GPAT3: variants seen among roughly 807,000 people sequenced by gnomAD.
GPAT3 encodes the protein 1-AGP acyltransferase 9.
In GPAT3, 53 loss-of-function variants were observed where a neutral mutation model predicts 58.8. That is an observed-to-expected ratio of 0.90 (90% CI 0.72 to 1.13). The LOEUF is 1.13. Among genes scored for constraint, GPAT3 ranks in the 50% most tolerant of loss-of-function variants. The pLI is 0.00. For synonymous variants in GPAT3, 197 were observed against 187.4 expected (o/e 1.05, Z -0.42); for missense variants, 511 against 527.6 (o/e 0.97, Z 0.31).
chr4:83,599,827 C>T (rs890979263), intron 11 of GPAT3, among the ~76,000 whole-genome samples: 57 of 152,152 alleles, frequency 3.7e-4, no homozygotes, highest in African/African-American at 1.3e-3. Context: ...CTAGTAAATT[C>T]CTAATACCAT....
chr4:83,551,250 C>T (rs761666684), intron 2 of GPAT3, among the ~76,000 whole-genome samples: 2 of 151,458 alleles, frequency 1.3e-5, no homozygotes, highest in Non-Finnish European at 2.9e-5. Flanking sequence ...ACTGGACTTA[C>T]ATGGAAAGAA....
chr4:83,539,090 A>G (rs548787080), intron 1 of GPAT3, among the ~76,000 whole-genome samples: 5 of 152,302 alleles, frequency 3.3e-5, no homozygotes, highest in Admixed American at 6.5e-5. Context: ...AGGATCCTCT[A>G]TCCTTCAACT....
chr4:83,546,623 C>A (rs1724523418), intron 2 of GPAT3, among the ~76,000 whole-genome samples: 1 of 152,074 alleles, frequency 6.6e-6, no homozygotes. Flanking sequence ...GTCTACCCTT[C>A]CTTGTAGCCT....
chr4:83,537,625 G>GTGTGTGTATA (rs138199995), intron 1 of GPAT3, among the ~76,000 whole-genome samples: 59 of 147,690 alleles, frequency 4.0e-4, no homozygotes, highest in African/African-American at 1.5e-3. Flanking sequence ...GTGTGTGTGT[G>GTGTGTGTATA]TATATTTAAC....
chr4:83,597,449 T>C lies in GPAT3; in HGVS notation c.930T>C (p.Thr310=), dbSNP rs1371299801. 3.2e-6 allele frequency: 5 copies of C among 1,567,926 alleles called. No homozygotes were observed. Among genetic ancestry groups the C allele is most frequent in the Non-Finnish European group, 4.3e-6 (5 of 1,156,108 alleles). ...IFPEGTCINN[T]SVMMFKKGSF... ...TTGCAGGAACTTGCATCAACAATAC[T>C]TCAGTCATGATGTTTAAAAAGGGGA... Residue 310 remains threonine (T), a synonymous_variant, in exon 9 of 12, where the codon ACT becomes ACC. Transcript: ENST00000264409.
chr4:83,579,017 C>CCTTTCTTT lies in GPAT3; in HGVS notation c.209-2489_209-2482dup, dbSNP rs756095198. On this transcript the variant is annotated intron_variant, in intron 2 of 11. Coordinates refer to ENST00000264409, the MANE Select transcript of GPAT3 (RefSeq NM_032717.5). ...CCTTCCTTCCTTCCTTCCTTCTTTCCCTTTCTTTCTTTCTTTCTTTCTTTC... is the reference window on the plus strand; with the variant it reads ...CCTTCCTTCCTTCCTTCCTTCTTTCCCTTTCTTTCTTTCTTTCTTTCTTTCTTTCTTTC... Among the ~76,000 whole-genome samples the CCTTTCTTT allele has an allele frequency of 2.7e-3, 124 of 46,520 alleles. 4 individuals carry two copies. Among genetic ancestry groups the CCTTTCTTT allele is most frequent in the East Asian group, 4.2e-3 (7 of 1,666 alleles). The allele number at this position is 46,520 out of a possible 152,430, so 30.5% of individuals were successfully genotyped here. A position where few individuals can be genotyped will look rare whatever the true frequency, so the allele number is the denominator to read the frequency against.
chr4:83,550,276 A>G (rs940132507), intron 2 of GPAT3, among the ~76,000 whole-genome samples: 1 of 151,972 alleles, frequency 6.6e-6, no homozygotes, highest in Non-Finnish European at 1.5e-5. Context: ...CAAGCAATCC[A>G]TCTGCATCCG....
intron 2 of GPAT3, among the ~76,000 whole-genome samples, chr4:83,563,478 CTTTTTTTTTTTTT>C (rs908400401): frequency 1.7e-5 from 2 of 114,456 alleles, no homozygotes; most frequent in African/African-American, 6.2e-5. Context: ...TTTCTTTCTT[CTTTTTTTTTTTTT>C]TTTTTTTTGA....
At chr4:83,582,187 C>T (rs1726166815) in intron 3 of GPAT3, among the ~76,000 whole-genome samples, 1 of 152,254 alleles carries the variant, frequency 6.6e-6, no homozygotes, top group African/African-American at 2.4e-5. Context: ...ACTAGAGCAT[C>T]AGCCAAACTG....
intron 2 of GPAT3, among the ~76,000 whole-genome samples, chr4:83,574,939 G>A (rs531395638): frequency 3.3e-4 from 47 of 144,566 alleles, no homozygotes; most frequent in Admixed American, 8.5e-4. Flanking sequence ...GCAGTGGCGC[G>A]ATCTCGGCTC....
chr4:83,592,844 T>C (rs1394910079), intron 6 of GPAT3, among the ~76,000 whole-genome samples: 3 of 152,160 alleles, frequency 2.0e-5, no homozygotes, highest in African/African-American at 4.8e-5. Flanking sequence ...GTAAAATGTT[T>C]GTATTTTTAA....
chr4:83,584,507 A>G (rs138885961), intron 3 of GPAT3, among the ~76,000 whole-genome samples: 22 of 152,272 alleles, frequency 1.4e-4, no homozygotes, highest in African/African-American at 5.3e-4. Context: ...ACTGAATTGC[A>G]TACTTTATTT....
At chr4:83,547,463 A>G (rs575776170) in intron 2 of GPAT3, among the ~76,000 whole-genome samples, 102 of 151,688 alleles carry the variant, frequency 6.7e-4, no homozygotes, top group South Asian at 2.5e-3. Flanking sequence ...CGTGTTAGCC[A>G]GGATGGTCTC....
At chr4:83,562,178 AT>A (rs1452628940) in intron 2 of GPAT3, among the ~76,000 whole-genome samples, 948 of 53,010 alleles carry the variant, frequency 0.018, 34 homozygotes, top group African/African-American at 0.089. Flanking sequence ...TATTTTATAT[AT>A]TATATATATA....
At position 83,551,061 on chromosome 4, in the gene GPAT3, G is replaced by A. The variant is rs182067865; in HGVS notation, c.208+6459G>A. 1.9e-3 allele frequency among the ~76,000 whole-genome samples: 291 copies of A among 152,252 alleles called. 2 individuals are homozygous for A. The highest frequency in any genetic ancestry group is 3.3e-3 in the Non-Finnish European group (226 of 68,016). On this transcript the variant is annotated intron_variant, in intron 2 of 11. Coordinates refer to ENST00000264409, the MANE Select transcript of GPAT3 (RefSeq NM_032717.5). ...AAAGTTAAAGACCAGAAAATTACAC[G>A]ACAACCCAACAATTCTATATCTCCT...
chr4:83,560,243 T>A (rs188320312), intron 2 of GPAT3, among the ~76,000 whole-genome samples: 57 of 152,250 alleles, frequency 3.7e-4, no homozygotes, highest in African/African-American at 1.4e-3. Flanking sequence ...ACATCTCCTG[T>A]GATTTCTGAG....
chr4:83,540,563 T>C (rs889144644), intron 1 of GPAT3, among the ~76,000 whole-genome samples: 6 of 152,240 alleles, frequency 3.9e-5, no homozygotes, highest in African/African-American at 1.4e-4. Context: ...TGCAGAGGCC[T>C]AAAATATGGA....
chr4:83,563,247 CTCA>C (rs1418110372), intron 2 of GPAT3, among the ~76,000 whole-genome samples: 1 of 152,122 alleles, frequency 6.6e-6, no homozygotes, highest in African/African-American at 2.4e-5. Context: ...TTGGGTTTTA[CTCA>C]TCGTTTTAAA....
rs1346161187 is a variant in GPAT3, at chr4:83,555,168, C to A, written c.208+10566C>A. Reference sequence around the variant, plus strand: ...AGAAATATGTATTAGACTTCTGCTCCCTCTCCCTTTCCTGTCACATAGGTC... The same window carrying A: ...AGAAATATGTATTAGACTTCTGCTCACTCTCCCTTTCCTGTCACATAGGTC... On this transcript the variant is annotated intron_variant, in intron 2 of 11. Coordinates refer to ENST00000264409, the MANE Select transcript of GPAT3 (RefSeq NM_032717.5). Among the ~76,000 whole-genome samples the A allele has an allele frequency of 2.0e-5, 3 of 152,090 alleles. No homozygotes were observed. In the East Asian group the frequency reaches 5.8e-4, roughly 29 times the overall value.
Sources: allele counts gnomAD v4.1 joint callset (sites outside exome capture counted in the v4.1 genomes callset), GRCh38; gene constraint gnomAD v4.1.1; transcripts MANE v1.5; gene names NCBI Gene and HGNC (gene_info 2026-07-23, HGNC 2026-07-21).